AGBL1: variants seen among roughly 807,000 people sequenced by gnomAD.
The protein encoded by AGBL1 is AGBL carboxypeptidase 1, also known as cytosolic carboxypeptidase 4.
AGBL1 carries 130 observed loss-of-function variants against 118.9 expected under a neutral mutation model. The ratio of observed to expected loss-of-function variants is 1.09; its 90% CI spans 0.95 to 1.26. The LOEUF is 1.26. Among genes scored for constraint, AGBL1 ranks in the 50% most tolerant of loss-of-function variants. AGBL1 has a pLI of 0.00. For synonymous variants in AGBL1, 555 were observed against 478.9 expected, an observed-to-expected ratio of 1.16 and a Z score of -2.08; for missense variants, 1,584 against 1,298.1, an observed-to-expected ratio of 1.22 and a Z score of -3.38.
Position 86,174,979 on chromosome 15 carries a change from T to C in AGBL1, c.488+15953T>C, listed in dbSNP as rs147849223. Among the ~76,000 whole-genome samples, 1,448 of 152,234 alleles carry C rather than the reference T, an allele frequency of 9.5e-3. 29 individuals are homozygous for C. The highest frequency in any genetic ancestry group is 0.034 in the African/African-American group (1,394 of 41,554). ...TCTATAGGTTTCTTTTTTTGTTGTA[T>C]CCTTGTTTCGTTTCAGTATTAGGGT... is the stretch of plus-strand genomic sequence containing the variant. On this transcript the variant is annotated intron_variant, in intron 5 of 22. Transcript: ENST00000614907.
At chr15:86,799,752 T>C (rs2078624186) in intron 22 of AGBL1, among the ~76,000 whole-genome samples, 1 of 152,116 alleles carries the variant, frequency 6.6e-6, no homozygotes, top group Non-Finnish European at 1.5e-5. Flanking sequence ...CATTTTGAAA[T>C]TGTTAGCTGA....
rs1232779738 is a variant in AGBL1, at chr15:86,755,659, G to T, written c.3158+81223G>T. Among the ~76,000 whole-genome samples the T allele has an allele frequency of 2.0e-5, 3 of 152,178 alleles. No homozygotes were observed. The East Asian group carries it at 5.8e-4, about 30-fold the overall frequency. ...TATCTTACTTTTGTGAATGTGTTGAGTTCTTGTCCTGTGCCTCTGTTCCTT... is the reference window on the plus strand; with the variant it reads ...TATCTTACTTTTGTGAATGTGTTGATTTCTTGTCCTGTGCCTCTGTTCCTT... On this transcript the variant is annotated intron_variant, in intron 22 of 22. Transcript: ENST00000614907.
intron 23 of AGBL1, among the ~76,000 whole-genome samples, chr15:86,921,803 G>A (rs1054389101): frequency 6.6e-6 from 1 of 152,124 alleles, no homozygotes; most frequent in Non-Finnish European, 1.5e-5. Context: ...CTTGTACTCA[G>A]AGTCTTACTT....
chr15:87,024,417 G>A (rs1017081712), intron 24 of AGBL1, among the ~76,000 whole-genome samples: 14 of 151,916 alleles, frequency 9.2e-5, no homozygotes, highest in African/African-American at 3.4e-4. Context: ...AACTCTCCTA[G>A]CATAACTCAG....
At chr15:86,192,116 C>T (rs1390381911) in intron 5 of AGBL1, among the ~76,000 whole-genome samples, 1 of 151,278 alleles carries the variant, frequency 6.6e-6, no homozygotes, top group Non-Finnish European at 1.5e-5. Context: ...CCTGCACGCC[C>T]CCAATACACA....
At chr15:86,845,369 A>G (rs2079303885) in intron 22 of AGBL1, among the ~76,000 whole-genome samples, 1 of 152,152 alleles carries the variant, frequency 6.6e-6, no homozygotes, top group African/African-American at 2.4e-5. Flanking sequence ...TGCACTGTAC[A>G]CAATACAGTG....
intron 23 of AGBL1, among the ~76,000 whole-genome samples, chr15:86,983,572 A>G (rs1366764397): frequency 6.6e-6 from 1 of 152,216 alleles, no homozygotes; most frequent in African/African-American, 2.4e-5. Context: ...ATTATATGCA[A>G]TAAATGCATA....
intron 18 of AGBL1, among the ~76,000 whole-genome samples, chr15:86,464,863 C>T (rs11630298): frequency 2.2e-4 from 34 of 151,220 alleles, no homozygotes; most frequent in Admixed American, 1.9e-3. Context: ...TGAGGATTTT[C>T]GCATCAATGT....
chr15:86,817,304 A>AC (rs550051775), intron 22 of AGBL1, among the ~76,000 whole-genome samples: 8 of 151,660 alleles, frequency 5.3e-5, no homozygotes, highest in South Asian at 2.1e-4. Context: ...AAAAAAAAAA[A>AC]AAAAAACCAC....
chr15:86,543,002 G>C (rs1307624066), intron 19 of AGBL1, among the ~76,000 whole-genome samples: 1 of 151,996 alleles, frequency 6.6e-6, no homozygotes, highest in East Asian at 1.9e-4. Context: ...AGTGTGTTTT[G>C]ACCATTTACA....
chr15:86,494,116 A>G (rs1455529650), intron 18 of AGBL1, among the ~76,000 whole-genome samples: 1 of 152,070 alleles, frequency 6.6e-6, no homozygotes. Context: ...GAGATGAGTC[A>G]TCTTCTACTC....
chr15:86,901,831 A>C (rs2080216012), intron 22 of AGBL1, among the ~76,000 whole-genome samples: 1 of 152,040 alleles, frequency 6.6e-6, no homozygotes, highest in Non-Finnish European at 1.5e-5. Context: ...TTTTATGACT[A>C]AGCATTTTAT....
At chr15:86,245,840 C>A (rs1048019790) in intron 6 of AGBL1, among the ~76,000 whole-genome samples, 5 of 152,208 alleles carry the variant, frequency 3.3e-5, no homozygotes, top group African/African-American at 9.6e-5. Context: ...GTTGAACATC[C>A]TTAACTGTGA....
At chr15:86,661,256 T>C (rs1175458224) in intron 21 of AGBL1, among the ~76,000 whole-genome samples, 3 of 152,082 alleles carry the variant, frequency 2.0e-5, no homozygotes, top group African/African-American at 7.2e-5. Flanking sequence ...CCTTTAAATG[T>C]CCACCCTGGA....
At chr15:86,337,027 G>A (rs1051192989) in intron 17 of AGBL1, among the ~76,000 whole-genome samples, 9 of 152,170 alleles carry the variant, frequency 5.9e-5, no homozygotes, top group South Asian at 2.1e-4. Context: ...CTGGCTGTCC[G>A]GGAATGGGGA....
At chr15:86,239,889 A>G (rs1227312578) in intron 6 of AGBL1, among the ~76,000 whole-genome samples, 1 of 152,216 alleles carries the variant, frequency 6.6e-6, no homozygotes, top group Admixed American at 6.5e-5. Flanking sequence ...GAGATGATGA[A>G]TATGTTTATT....
chr15:86,724,192 C>A (rs966182956), intron 22 of AGBL1, among the ~76,000 whole-genome samples: 2 of 142,342 alleles, frequency 1.4e-5, no homozygotes, highest in Non-Finnish European at 3.0e-5. Flanking sequence ...GCTGCGATAG[C>A]GCCACTGCGC....
intron 22 of AGBL1, among the ~76,000 whole-genome samples, chr15:86,821,449 C>G (rs1427905703): frequency 6.6e-6 from 1 of 151,932 alleles, no homozygotes; most frequent in Non-Finnish European, 1.5e-5. Flanking sequence ...TTTTGGTCTT[C>G]GTGAAAAAAC....
At chr15:86,381,083 T>C (rs1026925266) in intron 17 of AGBL1, among the ~76,000 whole-genome samples, 1 of 152,234 alleles carries the variant, frequency 6.6e-6, no homozygotes, top group Non-Finnish European at 1.5e-5. Flanking sequence ...GCCCATCATA[T>C]AGCATATTAA....
Sources: allele counts gnomAD v4.1 joint callset (sites outside exome capture counted in the v4.1 genomes callset), GRCh38; gene constraint gnomAD v4.1.1; transcripts MANE v1.5; gene names NCBI Gene and HGNC (gene_info 2026-07-23, HGNC 2026-07-21).